Variants in FBXW11 observed in about 807,000 individuals in gnomAD.
FBXW11 encodes F-box/WD repeat-containing protein 11.
FBXW11 carries 19 observed loss-of-function variants against 77.6 expected under a neutral mutation model. The ratio of observed to expected loss-of-function variants is 0.24; its 90% CI spans 0.17 to 0.36. FBXW11 has a LOEUF of 0.36. FBXW11 is among the 10% of genes least tolerant of loss of function. FBXW11 has a pLI of 1.00. For synonymous variants in FBXW11, 235 were observed against 249.4 expected (o/e 0.94, Z 0.54); for missense variants, 334 against 704.2 (o/e 0.47, Z 5.95).
At chr5:172,003,177 T>G (rs1766519631) in intron 1 of FBXW11, 1 of 152,178 alleles carries the variant, frequency 6.6e-6, no homozygotes, top group African/African-American at 2.4e-5. Flanking sequence ...GGGGATTCAC[T>G]CACACCCGTG....
chr5:171,957,309 C>G (rs1763664612), intron 2 of FBXW11, among the ~76,000 whole-genome samples: 2 of 151,942 alleles, frequency 1.3e-5, no homozygotes, highest in East Asian at 3.8e-4. Flanking sequence ...TTTTTTTTGG[C>G]ACATGCGCAA....
At chr5:172,006,320 A>G in intron 1 of FBXW11, 138 bp downstream of exon 1, 1 of 679,652 alleles carries the variant, frequency 1.5e-6, no homozygotes, top group South Asian at 3.1e-5. Flanking sequence ...GTCCGAGGCC[A>G]GGGAAGGCTG....
intron 2 of FBXW11, among the ~76,000 whole-genome samples, chr5:171,932,514 C>CTACCCCATATATA: frequency 6.6e-6 from 1 of 152,066 alleles, no homozygotes; most frequent in Admixed American, 6.5e-5. Context: ...ATGTGAAATT[C>CTACCCCATATATA]TGTTACATGT....
At chr5:171,949,990 A>G (rs1763219803) in intron 2 of FBXW11, among the ~76,000 whole-genome samples, 1 of 152,194 alleles carries the variant, frequency 6.6e-6, no homozygotes, top group Admixed American at 6.5e-5. Context: ...ACTTAATTAC[A>G]ATGATGCTTA....
In FBXW11 at chr5:171,923,909, C is replaced by CTTT. The variant is rs70982354; in HGVS notation, c.148-9507_148-9505dup. ...GGGAGGGTCCGCGGTGAAACCCCAC[C>CTTT]TTTTTTTTTTTTTTTTTTTTTTTTT... is the stretch of plus-strand genomic sequence containing the variant. On this transcript the variant is annotated intron_variant, in intron 2 of 13. Transcript: ENST00000517395. Among the ~76,000 whole-genome samples the CTTT allele has an allele frequency of 2.5e-3, 124 of 49,194 alleles. 13 individuals carry two copies. The highest frequency in any genetic ancestry group is 7.3e-3 in the African/African-American group (81 of 11,148). 32.3% of individuals were successfully genotyped at this position (49,194 alleles called of 152,430 possible). A position where few individuals can be genotyped will look rare whatever the true frequency, so the allele number is the denominator to read the frequency against.
At chr5:171,986,403 A>T (rs747221359) in intron 1 of FBXW11, among the ~76,000 whole-genome samples, 2 of 152,126 alleles carry the variant, frequency 1.3e-5, no homozygotes, top group Middle Eastern at 3.4e-3. Flanking sequence ...ACTCTGTCTC[A>T]AAAACAAATA....
chr5:171,974,314 A>G (rs1359344499), intron 1 of FBXW11, among the ~76,000 whole-genome samples: 5 of 151,868 alleles, frequency 3.3e-5, no homozygotes, highest in African/African-American at 9.7e-5. Context: ...CATGCCTGTA[A>G]TCCCAGTTCC....
chr5:171,995,063 C>A (rs745786930), intron 1 of FBXW11, among the ~76,000 whole-genome samples: 1 of 151,978 alleles, frequency 6.6e-6, no homozygotes, highest in Non-Finnish European at 1.5e-5. Context: ...TCAGAATGTC[C>A]GTCTACAATA....
At chr5:171,872,439 G>A (rs1251840444) in intron 10 of FBXW11, among the ~76,000 whole-genome samples, 2 of 152,174 alleles carry the variant, frequency 1.3e-5, no homozygotes, top group Non-Finnish European at 2.9e-5. Flanking sequence ...AAGCAGGGAG[G>A]CCGAGTGCTG....
At chr5:171,914,763 A>T (rs1005556752) in intron 2 of FBXW11, among the ~76,000 whole-genome samples, 8 of 152,214 alleles carry the variant, frequency 5.3e-5, no homozygotes, top group African/African-American at 1.9e-4. Context: ...TGATTGCACA[A>T]AACATTTACT....
chr5:171,977,972 G>C (rs1229638255), intron 1 of FBXW11, among the ~76,000 whole-genome samples: 1 of 152,138 alleles, frequency 6.6e-6, no homozygotes, highest in African/African-American at 2.4e-5. Flanking sequence ...ACTGCTGCTA[G>C]AGCATGACAA....
At chr5:171,963,783 C>T (rs1379984951) in intron 1 of FBXW11, among the ~76,000 whole-genome samples, 1 of 152,040 alleles carries the variant, frequency 6.6e-6, no homozygotes, top group Non-Finnish European at 1.5e-5. Context: ...AAGAAATATC[C>T]CATGTTTTCT....
intron 2 of FBXW11, among the ~76,000 whole-genome samples, chr5:171,954,107 G>GTCT (rs1222067141): frequency 6.6e-6 from 1 of 152,178 alleles, no homozygotes. Context: ...GGCTGCAAAT[G>GTCT]ACATTCCCAA....
chr5:171,998,464 C>T (rs1766202996), intron 1 of FBXW11, among the ~76,000 whole-genome samples: 1 of 151,062 alleles, frequency 6.6e-6, no homozygotes, highest in African/African-American at 2.4e-5. Flanking sequence ...TGTGAGCCCC[C>T]ATGCCCAGCC....
intron 1 of FBXW11, among the ~76,000 whole-genome samples, chr5:171,987,740 A>G (rs1765522879): frequency 1.3e-5 from 2 of 152,140 alleles, no homozygotes; most frequent in Admixed American, 6.5e-5. Context: ...GGCGTGAGCT[A>G]CCGCGCCCGG....
intron 7 of FBXW11, among the ~76,000 whole-genome samples, chr5:171,881,902 G>A (rs78736199): frequency 0.016 from 2,464 of 152,290 alleles, 22 homozygotes; most frequent in Non-Finnish European, 0.026. Context: ...TAACGCTCAT[G>A]AGAGCTATAG....
chr5:171,992,099 A>G (rs1358463753), intron 1 of FBXW11, among the ~76,000 whole-genome samples: 2 of 147,594 alleles, frequency 1.4e-5, no homozygotes, highest in East Asian at 4.0e-4. Context: ...TGGGCAACAG[A>G]GTGAGACTCC....
At chr5:171,991,826 G>C (rs1315752889) in intron 1 of FBXW11, among the ~76,000 whole-genome samples, 1 of 152,078 alleles carries the variant, frequency 6.6e-6, no homozygotes. Flanking sequence ...ATGAAAAGGA[G>C]AGGGTGTGGC....
At chr5:171,886,403 C>T (rs839300) in intron 7 of FBXW11, among the ~76,000 whole-genome samples, 119,153 of 141,520 alleles carry the variant, frequency 0.84, 51,880 homozygotes, top group East Asian at 1. Context: ...AGGGGAACAT[C>T]ACACACTGGG....
Sources: gnomAD v4.1 joint callset for allele counts (sites outside exome capture counted in the v4.1 genomes callset) on GRCh38, gnomAD v4.1.1 for gene constraint, MANE v1.5 for transcripts, NCBI Gene and HGNC (gene_info 2026-07-23, HGNC 2026-07-21) for gene names.